Variants in PLA2R1 observed in about 807,000 individuals in gnomAD.
The protein encoded by PLA2R1 is secretory phospholipase A2 receptor.
A neutral mutation model predicts 195.9 loss-of-function variants in PLA2R1; 158 were observed. The observed-to-expected ratio is 0.81, with a 90% CI of 0.71 to 0.92. The LOEUF (loss-of-function observed/expected upper bound fraction) is 0.92. Among genes scored for constraint, PLA2R1 ranks in the 40% least tolerant of loss-of-function variants. The pLI is 0.00. For missense variants in PLA2R1, 1,626 were observed against 1,764.6 expected, an observed-to-expected ratio of 0.92 and a Z score of 1.41; for synonymous variants, 586 against 598.2, an observed-to-expected ratio of 0.98 and a Z score of 0.30.
intron 12 of PLA2R1, among the ~76,000 whole-genome samples, chr2:159,986,686 G>C (rs1362164371): frequency 6.6e-6 from 1 of 151,106 alleles, no homozygotes; most frequent in African/African-American, 2.4e-5. Context: ...TCCCGGGTTC[G>C]AGCCATTCTC....
At chr2:159,925,992 G>A in the PLA2R1 span, among the ~76,000 whole-genome samples, 2 of 152,160 alleles carry the variant, frequency 1.3e-5, no homozygotes, top group East Asian at 1.9e-4. Flanking sequence ...AAGGAGAGCT[G>A]GAGAGGTTCT....
At position 160,062,528 on chromosome 2, in the gene PLA2R1, C is replaced by T; in HGVS notation, c.-125G>A. On this transcript the variant is annotated 5_prime_UTR_variant, in exon 1 of 30. Transcript: ENST00000283243. ...CGGATCCGTAGCCTCCTCCGCGCCC[C>T]ACCCCCTCCGGGGGCCTTGCCAGCC... 2 of 1,264,662 alleles carry T rather than the reference C, an allele frequency of 1.6e-6. No homozygotes were observed. The highest frequency in any genetic ancestry group is 1.7e-5 in the South Asian group (1 of 58,648). 78.3% of individuals were successfully genotyped at this position (1,264,662 alleles called of 1,614,324 possible).
At chr2:160,062,244 CG>C (rs1696012599) in intron 1 of PLA2R1, 50 bp downstream of exon 1, 2 of 1,305,150 alleles carry the variant, frequency 1.5e-6, no homozygotes, top group South Asian at 3.2e-5. Flanking sequence ...TCGACCACCC[CG>C]ACCCCCCTCC....
At chr2:160,041,942 A>G (rs1694545240) in intron 3 of PLA2R1, 83 bp downstream of exon 3, 6 of 1,059,802 alleles carry the variant, frequency 5.7e-6, no homozygotes, top group South Asian at 1.5e-5. Context: ...TATCAATCCC[A>G]GTGCTTTTGT....
At chr2:160,053,780 C>T (rs1005137443) in intron 1 of PLA2R1, among the ~76,000 whole-genome samples, 6 of 152,226 alleles carry the variant, frequency 3.9e-5, no homozygotes, top group African/African-American at 1.4e-4. Flanking sequence ...GAACCCGTCC[C>T]GGGAGGTAGA....
chr2:159,931,127 G>A (rs1005174947), downstream of PLA2R1, among the ~76,000 whole-genome samples: 3 of 152,352 alleles, frequency 2.0e-5, no homozygotes, highest in Admixed American at 2.0e-4. Flanking sequence ...AGGCAGTCCA[G>A]GCTGCTCCAC....
intron 12 of PLA2R1, among the ~76,000 whole-genome samples, chr2:159,984,452 G>A (rs1466910776): frequency 2.0e-5 from 3 of 152,136 alleles, no homozygotes; most frequent in African/African-American, 7.2e-5. Context: ...CTATAAACTG[G>A]CAGAGCTAGA....
At chr2:159,960,022 C>A (rs2105186560) in intron 20 of PLA2R1, among the ~76,000 whole-genome samples, 1 of 152,332 alleles carries the variant, frequency 6.6e-6, no homozygotes, top group East Asian at 1.9e-4. Context: ...TCACGTCCTT[C>A]TTTAGTTTTA....
intron 6 of PLA2R1, among the ~76,000 whole-genome samples, chr2:160,026,069 T>C: frequency 6.6e-6 from 1 of 152,194 alleles, no homozygotes; most frequent in East Asian, 1.9e-4. Context: ...TGTTAATTTG[T>C]TTCACTAAGA....
chr2:159,944,251 G>A (rs1278949144), intron 28 of PLA2R1, among the ~76,000 whole-genome samples: 1 of 152,076 alleles, frequency 6.6e-6, no homozygotes, highest in Non-Finnish European at 1.5e-5. Flanking sequence ...CATCCTTTGG[G>A]ATCCTAAAAC....
chr2:159,983,378 G>T (rs1690095783), intron 13 of PLA2R1, among the ~76,000 whole-genome samples: 1 of 151,464 alleles, frequency 6.6e-6, no homozygotes, highest in African/African-American at 2.4e-5. Flanking sequence ...GATGGATACA[G>T]ATAAGGGAAA....
chr2:159,969,806 G>T (rs1394790396), intron 18 of PLA2R1, among the ~76,000 whole-genome samples: 1 of 152,158 alleles, frequency 6.6e-6, no homozygotes, highest in African/African-American at 2.4e-5. Flanking sequence ...GCCTCCCAAA[G>T]TACTGGGATT....
At chr2:159,967,173 G>A (rs1177340115) in intron 20 of PLA2R1, among the ~76,000 whole-genome samples, 3 of 151,822 alleles carry the variant, frequency 2.0e-5, no homozygotes, top group South Asian at 2.1e-4. Context: ...ATACATACAC[G>A]TGCACACACA....
At chr2:159,996,096 T>C (rs1232058179) in intron 11 of PLA2R1, among the ~76,000 whole-genome samples, 1 of 152,056 alleles carries the variant, frequency 6.6e-6, no homozygotes, top group Non-Finnish European at 1.5e-5. Context: ...AAAATAGAAG[T>C]TTTTATTTTA....
At chr2:160,049,393 T>C (rs562758495) in intron 1 of PLA2R1, among the ~76,000 whole-genome samples, 28 of 152,178 alleles carry the variant, frequency 1.8e-4, no homozygotes, top group African/African-American at 2.7e-4. Context: ...CTAGCTTTCA[T>C]TGGATGCCAG....
rs775566340 is a variant in PLA2R1 at position 159,947,547 on chromosome 2, G to T, written c.3722C>A (p.Ser1241Tyr). 6 of 1,612,910 alleles carry T rather than the reference G, an allele frequency of 3.7e-6. No individual in the cohort carries two copies. The Admixed American group carries it at 1.0e-4, about 27-fold the overall frequency. ...ICHVPPETRQ[S>Y]EHPELCSETS... ...TTCTGAGCACAACTCTGGGTGTTCA[G>T]ATTGTCTTGTTTCTGTGAAGAAAAG... The change falls in exon 26 of 30, where the codon TCT becomes TAT. Residue 1241 changes from serine (S) to tyrosine (Y), a missense_variant. Transcript: ENST00000283243.
At chr2:159,972,551 T>A (rs2105254319) in intron 17 of PLA2R1, among the ~76,000 whole-genome samples, 1 of 152,334 alleles carries the variant, frequency 6.6e-6, no homozygotes, top group African/African-American at 2.4e-5. Context: ...AAGAACAACC[T>A]GTCATCTTTT....
At chr2:160,028,129 T>C (rs1343324632) in intron 6 of PLA2R1, 89 bp downstream of exon 6, 7 of 832,408 alleles carry the variant, frequency 8.4e-6, no homozygotes, top group East Asian at 7.8e-5. Context: ...GTTTACATTA[T>C]GAATTATTAG....
intron 3 of PLA2R1, among the ~76,000 whole-genome samples, chr2:160,039,489 T>C (rs896025551): frequency 3.3e-5 from 5 of 152,170 alleles, no homozygotes; most frequent in African/African-American, 1.2e-4. Flanking sequence ...TTTTTTTAAA[T>C]GTAGCATCAT....
Sources: allele counts gnomAD v4.1 joint callset (sites outside exome capture counted in the v4.1 genomes callset), GRCh38; gene constraint gnomAD v4.1.1; transcripts MANE v1.5; gene names NCBI Gene and HGNC (gene_info 2026-07-23, HGNC 2026-07-21).